SIAH1: variants seen among roughly 807,000 people sequenced by gnomAD.
The protein encoded by SIAH1 is E3 ubiquitin-protein ligase SIAH1.
SIAH1 carries 2 observed loss-of-function variants against 20.0 expected under a neutral mutation model. The ratio of observed to expected loss-of-function variants is 0.10; its 90% CI spans 0.04 to 0.31. SIAH1 has a LOEUF of 0.31. SIAH1 is among the 10% of genes least tolerant of loss of function. The probability of loss-of-function intolerance (pLI) is 1.00; values close to 1 mark genes in which losing one functional copy is unlikely to be tolerated. For synonymous variants in SIAH1, 118 were observed against 125.3 expected, an observed-to-expected ratio of 0.94 and a Z score of 0.39; for missense variants, 119 against 355.3, an observed-to-expected ratio of 0.33 and a Z score of 5.35.
At chr16:48,376,048 A>C (rs187415068) in intron 1 of SIAH1, among the ~76,000 whole-genome samples, 2 of 152,358 alleles carry the variant, frequency 1.3e-5, no homozygotes, top group Admixed American at 1.3e-4. Context: ...TAATCATGAG[A>C]ACTACAAGAA....
intron 1 of SIAH1, among the ~76,000 whole-genome samples, chr16:48,375,468 T>C (rs1032427521): frequency 7.2e-5 from 11 of 152,056 alleles, no homozygotes; most frequent in African/African-American, 2.7e-4. Context: ...GGTGAAACTG[T>C]TTCTACTAAA....
At chr16:48,365,124 C>G (rs1005906856) in intron 1 of SIAH1, 5 of 414,808 alleles carry the variant, frequency 1.2e-5, no homozygotes, top group African/African-American at 7.9e-5. Flanking sequence ...AAGGGTGGAA[C>G]CCAGCTCCAT....
In SIAH1 at chr16:48,362,127, G is replaced by A. The variant is rs112294992; in HGVS notation, c.302C>T (p.Ala101Val). The change falls in exon 2 of 2, where the codon GCG becomes GTG. Residue 101 changes from alanine (A) to valine (V), a missense_variant. Around this residue, in one of 2 missense-constraint regions of SIAH1, gnomAD observed 84 missense variants for 307.8 expected, o/e 0.27. Transcript: ENST00000394725. This position sits in a 1 kb window ranked among gnomAD's most constrained non-coding sequence, Gnocchi z 4.2. Reference protein sequence around the residue: ...ANSVLFPCKYASSGCEITLPH... With the variant: ...ANSVLFPCKYVSSGCEITLPH... ...CAGAGTTATTTCACATCCAGAAGAC[G>A]CATATTTACAGGGGAAAAGTACTGA... is the stretch of plus-strand genomic sequence containing the variant. 7 of 1,614,126 alleles carry A rather than the reference G, an allele frequency of 4.3e-6. No individual in the cohort carries two copies. In the African/African-American group the frequency reaches 6.7e-5, roughly 15 times the overall value.
intron 1 of SIAH1, among the ~76,000 whole-genome samples, chr16:48,376,201 G>T (rs919579334): frequency 6.6e-6 from 1 of 152,164 alleles, no homozygotes; most frequent in Non-Finnish European, 1.5e-5. Context: ...TTGGGGGTGA[G>T]GAGGGATTTC....
chr16:48,369,057 T>C (rs1028520467), intron 1 of SIAH1, among the ~76,000 whole-genome samples: 1 of 152,220 alleles, frequency 6.6e-6, no homozygotes, highest in South Asian at 2.1e-4. Flanking sequence ...ACTTGCTTCT[T>C]ACACAATGAC....
Position 48,361,868 on chromosome 16 carries a change from A to G in SIAH1, c.561T>C (p.Phe187=). Residue 187 remains phenylalanine (F), a synonymous_variant, in exon 2 of 2, where the codon TTT becomes TTC. Coordinates refer to ENST00000394725, the MANE Select transcript of SIAH1 (RefSeq NM_003031.4). ...DWVMMQSCFG[F]HFMLVLEKQE... is the part of the protein sequence containing the mutation. ...GTTTCTCTAAGACTAACATGAAGTG[A>G]AAGCCAAAACAGGACTGCATCATCA... The G allele has an allele frequency of 6.2e-7, 1 of 1,614,224 alleles. No homozygotes were observed. Among genetic ancestry groups the G allele is most frequent in the Non-Finnish European group, 8.5e-7 (1 of 1,180,036 alleles).
intron 1 of SIAH1, chr16:48,365,492 C>G: frequency 6.2e-7 from 1 of 1,610,596 alleles, no homozygotes; most frequent in Non-Finnish European, 8.5e-7. Context: ...AGTCAGGCCA[C>G]GCATTGCGTT....
At chr16:48,377,735 A>G (rs951538842) in intron 1 of SIAH1, among the ~76,000 whole-genome samples, 1 of 151,978 alleles carries the variant, frequency 6.6e-6, no homozygotes, top group African/African-American at 2.4e-5. Context: ...TTCTAGAAAT[A>G]CTGGTCAGAA....
At chr16:48,374,981 T>C (rs912671653) in intron 1 of SIAH1, among the ~76,000 whole-genome samples, 18 of 151,954 alleles carry the variant, frequency 1.2e-4, no homozygotes, top group South Asian at 2.1e-4. Context: ...CTAGAAACAA[T>C]AGAGGCGTGT....
At chr16:48,374,232 A>G (rs1961048336) in intron 1 of SIAH1, among the ~76,000 whole-genome samples, 1 of 152,228 alleles carries the variant, frequency 6.6e-6, no homozygotes, top group African/African-American at 2.4e-5. Context: ...TCAATTATGT[A>G]TCCCAAAAAC....
At chr16:48,368,652 C>T (rs567569660) in intron 1 of SIAH1, among the ~76,000 whole-genome samples, 4 of 151,756 alleles carry the variant, frequency 2.6e-5, no homozygotes, top group Non-Finnish European at 4.4e-5. Context: ...GAGCCAAGAT[C>T]GACTTGAACC....
At chr16:48,368,027 C>G (rs193130388) in intron 1 of SIAH1, among the ~76,000 whole-genome samples, 5 of 152,214 alleles carry the variant, frequency 3.3e-5, no homozygotes, top group African/African-American at 4.8e-5. Flanking sequence ...GCTTTACCAC[C>G]TTAGCATACT....
chr16:48,367,931 T>C (rs1274194378), intron 1 of SIAH1, among the ~76,000 whole-genome samples: 3 of 152,204 alleles, frequency 2.0e-5, no homozygotes, highest in African/African-American at 7.2e-5. Flanking sequence ...GTTTGGTATA[T>C]AGTTTAAGTA....
intron 1 of SIAH1, among the ~76,000 whole-genome samples, chr16:48,384,433 T>A (rs1257176730): frequency 6.6e-6 from 1 of 152,132 alleles, no homozygotes; most frequent in African/African-American, 2.4e-5. Context: ...AAGTTATAAA[T>A]TTGGGAGAGT....
chr16:48,384,983 G>T (rs1961409150), intron 1 of SIAH1, among the ~76,000 whole-genome samples: 1 of 146,718 alleles, frequency 6.8e-6, no homozygotes, highest in Non-Finnish European at 1.5e-5. Context: ...TCCAGGGGCG[G>T]GGGCGAGCCG....
chr16:48,372,006 TACAC>T (rs113043573), intron 1 of SIAH1, among the ~76,000 whole-genome samples: 2,519 of 151,078 alleles, frequency 0.017, 68 homozygotes, highest in African/African-American at 0.057. Context: ...TAAGTATGTA[TACAC>T]ACACACACAC....
intron 1 of SIAH1, chr16:48,364,905 T>C (rs933168193): frequency 2.6e-5 from 4 of 153,990 alleles, no homozygotes; most frequent in Non-Finnish European, 4.3e-5. Context: ...AAAACACTGT[T>C]GTTCACAATT....
At chr16:48,382,222 A>AT (rs1157193763) in intron 1 of SIAH1, among the ~76,000 whole-genome samples, 3 of 152,006 alleles carry the variant, frequency 2.0e-5, no homozygotes, top group Non-Finnish European at 4.4e-5. Flanking sequence ...TCTCTACAAA[A>AT]TAACTTTTTA....
intron 1 of SIAH1, chr16:48,365,475 C>CAT: frequency 1.2e-6 from 2 of 1,612,950 alleles, no homozygotes; most frequent in Non-Finnish European, 1.7e-6. Flanking sequence ...CCTTTCCCGT[C>CAT]ATGAGAAGTC....
Sources: allele counts gnomAD v4.1 joint callset (sites outside exome capture counted in the v4.1 genomes callset), GRCh38; gene constraint gnomAD v4.1.1; regional missense constraint gnomAD v4.1.1; non-coding constraint Gnocchi (gnomAD v3.1); transcripts MANE v1.5; gene names NCBI Gene and HGNC (gene_info 2026-07-23, HGNC 2026-07-21).